TTC3: variants seen among roughly 807,000 people sequenced by gnomAD.
TTC3 encodes tetratricopeptide repeat domain 3, also known as E3 ubiquitin-protein ligase TTC3.
A neutral mutation model predicts 249.6 loss-of-function variants in TTC3; 180 were observed. The ratio of observed to expected loss-of-function variants is 0.72; its 90% confidence interval spans 0.64 to 0.82. The LOEUF (loss-of-function observed/expected upper bound fraction) is 0.82, where lower values mean the gene tolerates loss of function less well. TTC3 is among the 40% of genes least tolerant of loss of function. TTC3 has a pLI of 0.00. For synonymous variants in TTC3, 717 were observed against 805.0 expected, an observed-to-expected ratio of 0.89 and a Z score of 1.85; for missense variants, 2,061 against 2,398.4, an observed-to-expected ratio of 0.86 and a Z score of 2.94.
chr21:37,185,990 T>C, intron 37 of TTC3: 1 of 206,920 alleles, frequency 4.8e-6, no homozygotes, highest in Non-Finnish European at 9.6e-6. Flanking sequence ...GATTTCTGCA[T>C]TTATTTCCCA....
intron 27 of TTC3, among the ~76,000 whole-genome samples, chr21:37,154,527 A>C (rs1045225552): frequency 2.0e-5 from 3 of 152,226 alleles, no homozygotes; most frequent in Admixed American, 6.5e-5. Context: ...TTGCTTTAAC[A>C]TGCTTTAGGA....
intron 20 of TTC3, among the ~76,000 whole-genome samples, chr21:37,142,793 T>C (rs1326388657): frequency 6.6e-6 from 1 of 152,126 alleles, no homozygotes; most frequent in Non-Finnish European, 1.5e-5. Flanking sequence ...GCCAAGTCAA[T>C]CCTAAGCCAA....
Position 37,106,651 on chromosome 21 carries a change from A to G in TTC3, c.846-1741A>G, listed in dbSNP as rs559785988. 2.2e-4 allele frequency among the ~76,000 whole-genome samples: 33 copies of G among 152,318 alleles called. 1 individual carries two copies. The South Asian group carries it at 6.8e-3, about 32-fold the overall frequency. On this transcript the variant is annotated intron_variant, in intron 10 of 45. Coordinates refer to ENST00000355666, the Ensembl canonical transcript of TTC3. ...TGTATTCCCAGCACTTTGGGAGGACAAGGCAGGAGAATTGCTTGAGCCCAG... is the reference window on the plus strand; with the variant it reads ...TGTATTCCCAGCACTTTGGGAGGACGAGGCAGGAGAATTGCTTGAGCCCAG...
intron 35 of TTC3, among the ~76,000 whole-genome samples, chr21:37,181,542 C>A (rs1171295248): frequency 1.3e-5 from 2 of 152,206 alleles, no homozygotes; most frequent in African/African-American, 2.4e-5. Context: ...AACAAGGTTG[C>A]AGCTAAGAAG....
At chr21:37,185,629 G>T in intron 36 of TTC3, 77 bp from the exon 37 acceptor site, 2 of 685,068 alleles carry the variant, frequency 2.9e-6, no homozygotes, top group South Asian at 2.7e-5. Flanking sequence ...TTAAGGATAT[G>T]GGTGCAATTT....
chr21:37,159,890 A>AT (rs34367119), intron 29 of TTC3, 145 bp downstream of exon 29: 666,937 of 666,968 alleles, frequency 1, 333,453 homozygotes, highest in Middle Eastern at 1. Context: ...ACGTACTATT[A>AT]TTCATTAGAA....
intron 11 of TTC3, among the ~76,000 whole-genome samples, chr21:37,112,829 A>G (rs2075792135): frequency 6.6e-6 from 1 of 152,244 alleles, no homozygotes; most frequent in African/African-American, 2.4e-5. Context: ...AACACATCAA[A>G]AAGGTTATCC....
At chr21:37,088,912 C>A (rs202180774) in intron 5 of TTC3, 26 bp downstream of exon 5, 1 of 1,598,498 alleles carries the variant, frequency 6.3e-7, no homozygotes, top group Non-Finnish European at 8.6e-7. Flanking sequence ...TAGGTTCCCC[C>A]GAGCCCTTGG....
chr21:37,085,474 T>A (rs2072330707), intron 1 of TTC3, among the ~76,000 whole-genome samples: 2 of 152,178 alleles, frequency 1.3e-5, no homozygotes, highest in South Asian at 4.1e-4. Context: ...TGACAGTGAA[T>A]GAGAATGGAG....
chr21:37,188,216 C>T, intron 38 of TTC3: 1 of 278,630 alleles, frequency 3.6e-6, no homozygotes, highest in East Asian at 7.7e-5. Flanking sequence ...GTTAACCTGG[C>T]TCTGTGCTTA....
chr21:37,114,020 C>T (rs2075906750), intron 11 of TTC3, among the ~76,000 whole-genome samples: 1 of 152,176 alleles, frequency 6.6e-6, no homozygotes, highest in Non-Finnish European at 1.5e-5. Context: ...TTCCTTGCAC[C>T]TTATACAAAA....
intron 12 of TTC3, 33 bp from the exon 13 acceptor site, chr21:37,122,950 A>T (rs751244848): frequency 6.3e-7 from 1 of 1,581,078 alleles, no homozygotes; most frequent in South Asian, 1.1e-5. Flanking sequence ...TCCATTGATT[A>T]CTATGTGTGT....
intron 39 of TTC3, among the ~76,000 whole-genome samples, chr21:37,189,608 C>T (rs972363289): frequency 1.3e-5 from 2 of 151,892 alleles, no homozygotes; most frequent in Non-Finnish European, 2.9e-5. Context: ...AGTGTAGTGG[C>T]GTGATCTCGG....
intron 41 of TTC3, among the ~76,000 whole-genome samples, chr21:37,193,527 A>G (rs1306240063): frequency 6.6e-6 from 1 of 152,194 alleles, no homozygotes; most frequent in Non-Finnish European, 1.5e-5. Context: ...TGTAACAGAT[A>G]TGTATAGAGA....
At chr21:37,114,477 G>A (rs1022589268) in intron 11 of TTC3, among the ~76,000 whole-genome samples, 24 of 152,234 alleles carry the variant, frequency 1.6e-4, no homozygotes, top group African/African-American at 4.6e-4. Flanking sequence ...CAAAACCACA[G>A]TGAGATACCA....
intron 11 of TTC3, among the ~76,000 whole-genome samples, chr21:37,109,866 C>T (rs1243497471): frequency 1.3e-5 from 2 of 152,196 alleles, no homozygotes; most frequent in Non-Finnish European, 2.9e-5. Flanking sequence ...GACAAAACTT[C>T]CAGAGGAACG....
rs57588354 is a variant in TTC3, at chr21:37,153,966, TC to T, written c.2740+690del. Among the ~76,000 whole-genome samples, 1,399 of 152,340 alleles carry T rather than the reference TC, an allele frequency of 9.2e-3. 25 individuals carry two copies. Among genetic ancestry groups the T allele is most frequent in the African/African-American group, 0.032 (1,325 of 41,570 alleles). On this transcript the variant is annotated intron_variant, in intron 27 of 45. Coordinates refer to ENST00000355666, the Ensembl canonical transcript of TTC3. Reference sequence around the variant, plus strand: ...ATAACTCTGTACTGTGTTCTGACTTTCGTAACTTGGCTGGGAGAAGGGAAGA... The same window carrying T: ...ATAACTCTGTACTGTGTTCTGACTTTGTAACTTGGCTGGGAGAAGGGAAGA...
At chr21:37,119,540 G>C (rs953295235) in intron 11 of TTC3, among the ~76,000 whole-genome samples, 2 of 152,106 alleles carry the variant, frequency 1.3e-5, no homozygotes, top group African/African-American at 4.8e-5. Flanking sequence ...CTGGTCCTCT[G>C]CTCTGTGAAC....
chr21:37,183,664 G>A (rs1569165430), intron 36 of TTC3, among the ~76,000 whole-genome samples: 1 of 151,964 alleles, frequency 6.6e-6, no homozygotes. Context: ...GGGATGCTGG[G>A]GTGGCTTGGC....
Sources: allele counts gnomAD v4.1 joint callset (sites outside exome capture counted in the v4.1 genomes callset), GRCh38; gene constraint gnomAD v4.1.1; transcripts MANE v1.5; gene names NCBI Gene and HGNC (gene_info 2026-07-23, HGNC 2026-07-21).